ZAR1: variants seen among roughly 807,000 people sequenced by gnomAD.
The protein encoded by ZAR1 is zygote arrest protein 1.
In ZAR1, 37 loss-of-function variants were observed where a neutral mutation model predicts 38.3. The ratio of observed to expected loss-of-function variants is 0.97; its 90% CI spans 0.74 to 1.27. The LOEUF (loss-of-function observed/expected upper bound fraction) is 1.27. ZAR1 is among the 50% of genes most tolerant of loss of function. ZAR1 has a pLI of 0.00. For synonymous variants in ZAR1, 336 were observed against 292.0 expected, an observed-to-expected ratio of 1.15 and a Z score of -1.53; for missense variants, 651 against 632.4, an observed-to-expected ratio of 1.03 and a Z score of -0.32.
chr4:48,493,911 G>T (rs1718512239), intron 3 of ZAR1, among the ~76,000 whole-genome samples, 190 bp from the exon 4 acceptor site: 1 of 152,182 alleles, frequency 6.6e-6, no homozygotes, highest in African/African-American at 2.4e-5. Context: ...GTACAGCATG[G>T]TTAAACACCC....
rs748863509 is a variant in ZAR1 at position 48,490,746 on chromosome 4, C to T, written c.455C>T (p.Ser152Phe). The T allele has an allele frequency of 2.1e-6, 3 of 1,409,484 alleles. No individual in the cohort carries two copies. In the East Asian group the frequency reaches 8.7e-5, roughly 41 times the overall value. 87.3% of individuals were successfully genotyped at this position (1,409,484 alleles called of 1,614,324 possible). Residue 152 changes from serine (S) to phenylalanine (F), a missense_variant, in exon 1 of 4, where the codon TCC (serine) becomes TTC (phenylalanine). This residue lies in a region of ZAR1 where 522 missense variants were observed against 459.9 expected (regional missense o/e 1.14). Transcript: ENST00000327939. ...AEGTTGGGSF[S>F]QQPSRRGLEQ... The stretch of plus-strand genomic sequence containing the variant: ...GGCACCACGGGTGGCGGCTCTTTCT[C>T]CCAGCAGCCATCCCGTCGAGGCCTG...
chr4:48,490,621 G>A lies in ZAR1; in HGVS notation c.330G>A (p.Val110=). The A allele has an allele frequency of 7.3e-7, 1 of 1,363,306 alleles. No homozygotes were observed. The highest frequency in any genetic ancestry group is 1.8e-5 in the South Asian group (1 of 55,750). The allele number at this position is 1,363,306 out of a possible 1,614,324, so 84.5% of individuals were successfully genotyped here. A position where few individuals can be genotyped will look rare whatever the true frequency, so the allele number is the denominator to read the frequency against. Residue 110 remains valine (V), a synonymous_variant, in exon 1 of 4, where the codon GTG becomes GTA. Transcript: ENST00000327939. ...GCAGCTGCGACGTGGCGGTGCAGGT[G>A]AGCCCGCGCATCGACGCCGCGGTAC... ...RAGSCDVAVQ[V]SPRIDAAVQC...
At chr4:48,493,754 T>C (rs1174239272) in intron 3 of ZAR1, among the ~76,000 whole-genome samples, 1 of 152,236 alleles carries the variant, frequency 6.6e-6, no homozygotes, top group Non-Finnish European at 1.5e-5. Flanking sequence ...GAGCTGGGCA[T>C]GTTTCTAAAA....
Position 48,490,775 on chromosome 4 carries a change from C to T in ZAR1, c.484C>T (p.Gln162Ter). ...SQQPSRRGLE[Q>*]GSPQNGAPRP... is the part of the protein sequence containing the mutation. Reference sequence around the variant, plus strand: ...GCAGCCATCCCGTCGAGGCCTGGAGCAGGGCAGCCCCCAGAACGGCGCCCC... The same window carrying T: ...GCAGCCATCCCGTCGAGGCCTGGAGTAGGGCAGCCCCCAGAACGGCGCCCC... Residue 162 changes from glutamine (Q) to a stop codon, truncating the protein, a stop_gained, in exon 1 of 4, where the codon CAG becomes TAG. Transcript: ENST00000327939. LOFTEE classifies it high-confidence loss of function. The T allele has an allele frequency of 1.3e-6, 2 of 1,488,256 alleles. No homozygotes were observed. The highest frequency in any genetic ancestry group is 1.8e-6 in the Non-Finnish European group (2 of 1,125,004). 92.2% of individuals were successfully genotyped at this position (1,488,256 alleles called of 1,614,324 possible).
chr4:48,493,954 A>G, intron 3 of ZAR1, 147 bp from the exon 4 acceptor site: 1 of 905,692 alleles, frequency 1.1e-6, no homozygotes, highest in Non-Finnish European at 1.6e-6. Flanking sequence ...CTACGTAGGT[A>G]GGGATGTAGA....
chr4:48,491,557 C>T (rs1413723556), intron 1 of ZAR1, among the ~76,000 whole-genome samples: 3 of 101,498 alleles, frequency 3.0e-5, no homozygotes, highest in Admixed American at 1.2e-4. Context: ...GCGCATAGGC[C>T]AGCCCTGACC....
chr4:48,490,399 G>A lies in ZAR1; in HGVS notation c.108G>A (p.Ala36=). Residue 36 remains alanine (A), a synonymous_variant, in exon 1 of 4, where the codon GCG becomes GCA. Coordinates refer to ENST00000327939, the MANE Select transcript of ZAR1 (RefSeq NM_175619.3). ...YPAATKGKGA[A]GGSWQQRGRG... is the part of the protein sequence containing the mutation. Reference sequence around the variant, plus strand: ...CGGCCACCAAGGGCAAGGGCGCGGCGGGCGGCAGCTGGCAGCAGCGCGGCA... The same window carrying A: ...CGGCCACCAAGGGCAAGGGCGCGGCAGGCGGCAGCTGGCAGCAGCGCGGCA... The A allele has an allele frequency of 6.7e-7, 1 of 1,494,034 alleles. No individual in the cohort carries two copies. The highest frequency in any genetic ancestry group is 8.9e-7 in the Non-Finnish European group (1 of 1,125,730). The allele number at this position is 1,494,034 out of a possible 1,614,324, so 92.5% of individuals were successfully genotyped here.
At chr4:48,493,140 T>G in intron 3 of ZAR1, 128 bp downstream of exon 3, 1 of 775,382 alleles carries the variant, frequency 1.3e-6, no homozygotes, top group Non-Finnish European at 2.1e-6. Context: ...TTGTTAGGAG[T>G]GGTAGAAACA....
chr4:48,490,681 G>C lies in ZAR1; in HGVS notation c.390G>C (p.Arg130=). Residue 130 remains arginine (R), a synonymous_variant, in exon 1 of 4, where the codon CGG becomes CGC. Transcript: ENST00000327939. ...TGGGGAGGCGCACGCTGCAGCGCCG[G>C]GCCCGCGACCCCGAGTCCCCGGCCG... ...CSLGRRTLQR[R]ARDPESPAGP... is the part of the protein sequence containing the mutation. 1 of 1,314,798 alleles carries C rather than the reference G, an allele frequency of 7.6e-7. No homozygotes were observed. The highest frequency in any genetic ancestry group is 9.6e-7 in the Non-Finnish European group (1 of 1,036,820). The allele number at this position is 1,314,798 out of a possible 1,614,324, so 81.4% of individuals were successfully genotyped here.
downstream of ZAR1, chr4:48,497,378 A>G (rs1286268522): frequency 6.6e-6 from 1 of 152,328 alleles, no homozygotes; most frequent in Non-Finnish European, 1.5e-5. Flanking sequence ...AGGTATATTC[A>G]TTTTTATTAT....
At chr4:48,497,481 G>A (rs927017818), downstream of ZAR1, 4 of 152,538 alleles carry the variant, frequency 2.6e-5, no homozygotes, top group African/African-American at 9.7e-5. Context: ...TTCTTTTCTA[G>A]GGCAATTCAA....
In ZAR1 at chr4:48,492,834, G is replaced by A; in HGVS notation, c.1032G>A (p.Val344=). ...ACATCCGCTGGGAGAGTGCTTATGT[G>A]TGGTGTGTACAGGGAACTAACAAGG... ...DCNIRWESAY[V]WCVQGTNKVY... The change falls in exon 2 of 4, where the codon GTG becomes GTA. Residue 344 remains valine (V), a synonymous_variant. Coordinates refer to ENST00000327939, the MANE Select transcript of ZAR1 (RefSeq NM_175619.3). 1 of 1,614,208 alleles carries A rather than the reference G, an allele frequency of 6.2e-7. No individual in the cohort carries two copies. Among genetic ancestry groups the A allele is most frequent in the Non-Finnish European group, 8.5e-7 (1 of 1,180,036 alleles).
intron 3 of ZAR1, 47 bp downstream of exon 3, chr4:48,493,059 G>C (rs1201624594): frequency 6.3e-7 from 1 of 1,579,624 alleles, no homozygotes; most frequent in South Asian, 1.1e-5. Flanking sequence ...AGTCGTCGAG[G>C]GTTTTTAGTA....
In ZAR1 at chr4:48,491,040, G is replaced by A. The variant is rs1718423680; in HGVS notation, c.749G>A (p.Arg250Gln). ...DDDGEAQAAV[R>Q]ASWEQPADGP... ...GACGGCGAGGCCCAGGCCGCAGTCC[G>A]AGCGAGCTGGGAGCAGCCGGCCGAC... Residue 250 changes from arginine (R) to glutamine (Q), a missense_variant, in exon 1 of 4, where the codon CGA becomes CAA. Transcript: ENST00000327939. 2.0e-5 allele frequency: 27 copies of A among 1,351,384 alleles called. No homozygotes were observed. Among genetic ancestry groups the A allele is most frequent in the Non-Finnish European group, 2.6e-5 (27 of 1,057,608 alleles). The allele number at this position is 1,351,384 out of a possible 1,614,324, so 83.7% of individuals were successfully genotyped here.
At chr4:48,496,586 T>C (rs1037338696), downstream of ZAR1, among the ~76,000 whole-genome samples, 6 of 152,172 alleles carry the variant, frequency 3.9e-5, no homozygotes, top group Non-Finnish European at 7.4e-5. Flanking sequence ...CATGCAGATA[T>C]TCAACAAAGT....
chr4:48,490,634 G>A lies in ZAR1; in HGVS notation c.343G>A (p.Asp115Asn). The A allele has an allele frequency of 7.4e-7, 1 of 1,357,022 alleles. No individual in the cohort carries two copies. Among genetic ancestry groups the A allele is most frequent in the Non-Finnish European group, 9.4e-7 (1 of 1,064,574 alleles). 84.1% of individuals were successfully genotyped at this position (1,357,022 alleles called of 1,614,324 possible). ...DVAVQVSPRIDAAVQCSLGRR... is the reference protein window; with the variant it reads ...DVAVQVSPRINAAVQCSLGRR... ...GGCGGTGCAGGTGAGCCCGCGCATC[G>A]ACGCCGCGGTACAGTGCTCGCTGGG... is the stretch of plus-strand genomic sequence containing the variant. Residue 115 changes from aspartate (D) to asparagine (N), a missense_variant, in exon 1 of 4, where the codon GAC becomes AAC. This residue lies in a region of ZAR1 where 522 missense variants were observed against 459.9 expected (regional missense o/e 1.14). Coordinates refer to ENST00000327939, the MANE Select transcript of ZAR1 (RefSeq NM_175619.3).
downstream of ZAR1, among the ~76,000 whole-genome samples, chr4:48,495,085 G>C (rs1718549367): frequency 6.6e-6 from 1 of 151,892 alleles, no homozygotes; most frequent in Non-Finnish European, 1.5e-5. Context: ...AGTTAGAGGT[G>C]TAGGCCTTAG....
Position 48,491,240 on chromosome 4 carries a change from C to T in ZAR1, c.949C>T (p.Arg317Trp), listed in dbSNP as rs983346657. The change falls in exon 1 of 4, where the codon CGG becomes TGG. Residue 317 changes from arginine (R) to tryptophan (W), a missense_variant. This residue lies in a region of ZAR1 where 129 missense variants were observed against 172.5 expected (regional missense o/e 0.75). Transcript: ENST00000327939. ...ACGGAGCCCGGAGCTGGGCAAGGAG[C>T]GGCTGCGCTTCCAGGTAAAGCCTAG... is the stretch of plus-strand genomic sequence containing the variant. ...SPRSPELGKE[R>W]LRFQFLEQKY... 7.3e-6 allele frequency: 9 copies of T among 1,229,514 alleles called. No homozygotes were observed. In the African/African-American group the frequency reaches 1.4e-4, roughly 19 times the overall value. The allele number at this position is 1,229,514 out of a possible 1,614,324, so 76.2% of individuals were successfully genotyped here. A position where few individuals can be genotyped will look rare whatever the true frequency, so the allele number is the denominator to read the frequency against.
At position 48,490,669 on chromosome 4, in the gene ZAR1, G is replaced by C; in HGVS notation, c.378G>C (p.Thr126=). The change falls in exon 1 of 4, where the codon ACG becomes ACC. Residue 126 remains threonine, a synonymous_variant. Coordinates refer to ENST00000327939, the MANE Select transcript of ZAR1 (RefSeq NM_175619.3). The stretch of plus-strand genomic sequence containing the variant: ...TACAGTGCTCGCTGGGGAGGCGCAC[G>C]CTGCAGCGCCGGGCCCGCGACCCCG... ...AAVQCSLGRR[T]LQRRARDPES... is the part of the protein sequence containing the mutation. 4 of 1,313,108 alleles carry C rather than the reference G, an allele frequency of 3.0e-6. No individual in the cohort carries two copies. Among genetic ancestry groups the C allele is most frequent in the Non-Finnish European group, 3.9e-6 (4 of 1,035,866 alleles). 81.3% of individuals were successfully genotyped at this position (1,313,108 alleles called of 1,614,324 possible).
Sources: allele counts gnomAD v4.1 joint callset (sites outside exome capture counted in the v4.1 genomes callset), GRCh38; gene constraint gnomAD v4.1.1; regional missense constraint gnomAD v4.1.1; transcripts MANE v1.5; gene names NCBI Gene and HGNC (gene_info 2026-07-23, HGNC 2026-07-21).